The following HSPG2 variants were observed in gnomAD, a reference collection of about 807,000 sequenced individuals.
HSPG2 encodes basement membrane-specific heparan sulfate proteoglycan core protein.
HSPG2 carries 278 observed loss-of-function variants against 526.6 expected under a neutral mutation model. That is an observed-to-expected ratio of 0.53 (90% confidence interval 0.48 to 0.58). The LOEUF (loss-of-function observed/expected upper bound fraction) is 0.58. Ranked by LOEUF, HSPG2 falls within the 20% of genes least tolerant of loss-of-function variation. The pLI, the probability that HSPG2 is intolerant of heterozygous loss-of-function variation, is 0.00. For synonymous variants in HSPG2, 2,465 were observed against 2,555.4 expected, an observed-to-expected ratio of 0.96 and a Z score of 1.07; for missense variants, 5,354 against 6,099.5, an observed-to-expected ratio of 0.88 and a Z score of 4.07.
chr1:21,876,230 T>G lies in HSPG2; in HGVS notation c.3002A>C (p.Lys1001Thr). Residue 1001 changes from lysine (K) to threonine (T), a missense_variant and splice_region_variant, in exon 23 of 97, where the codon AAG becomes ACG. Coordinates refer to ENST00000374695, the MANE Select transcript of HSPG2 (RefSeq NM_005529.7). ...WSLPSRFLGD[K>T]VTSYGGELRF... ...TTTGCCTTTCCACCCACTACCCACC[T>G]TGTCCCCCAGGAAGCGTGAAGGGAG... The G allele has an allele frequency of 6.2e-7, 1 of 1,605,374 alleles. No homozygotes were observed. Among genetic ancestry groups the G allele is most frequent in the Non-Finnish European group, 8.5e-7 (1 of 1,175,800 alleles).
chr1:21,916,065 GAAGAAGAAAA>G (rs1643880267), intron 1 of HSPG2, among the ~76,000 whole-genome samples: 1 of 81,632 alleles, frequency 1.2e-5, no homozygotes, highest in Non-Finnish European at 2.4e-5. Context: ...AAGAAAAGAA[GAAGAAGAAAA>G]AAAAAAAAAG....
At position 21,824,832 on chromosome 1, in the gene HSPG2, C is replaced by T; in HGVS notation, c.12590-53G>A. 1 of 1,511,462 alleles carries T rather than the reference C, an allele frequency of 6.6e-7. No homozygotes were observed. The highest frequency in any genetic ancestry group is 9.1e-7 in the Non-Finnish European group (1 of 1,103,170). 93.6% of individuals were successfully genotyped at this position (1,511,462 alleles called of 1,614,324 possible). A position where few individuals can be genotyped will look rare whatever the true frequency, so the allele number is the denominator to read the frequency against. ...ACCTGCTGCATCAGGCATCAAAATCCCCCGTCAGTTCCCCTGACCCCCACC... is the reference window on the plus strand; with the variant it reads ...ACCTGCTGCATCAGGCATCAAAATCTCCCGTCAGTTCCCCTGACCCCCACC... On this transcript the variant is annotated intron_variant, in intron 91 of 96. Transcript: ENST00000374695. This position sits in a 1 kb window ranked among gnomAD's most constrained non-coding sequence, Gnocchi z 5.9.
At chr1:21,855,212 G>C (rs1056645466) in intron 47 of HSPG2, 92 bp downstream of exon 47, 298 of 1,485,546 alleles carry the variant, frequency 2.0e-4, no homozygotes, top group Non-Finnish European at 2.4e-4. Context: ...CAGAGGAGGA[G>C]GTGGGGTGGG....
Position 21,875,538 on chromosome 1 carries a change from C to CA in HSPG2, c.3302+90dup, listed in dbSNP as rs1640988968. ...GGGAAAGTGAGGCACAAAAGGGTCACACAGTCTGTAAGTGGCTGTGCTGTA... is the reference window on the plus strand; with the variant it reads ...GGGAAAGTGAGGCACAAAAGGGTCACAACAGTCTGTAAGTGGCTGTGCTGTA... On this transcript the variant is annotated intron_variant, in intron 25 of 96. Coordinates refer to ENST00000374695, the MANE Select transcript of HSPG2 (RefSeq NM_005529.7). 3.9e-5 allele frequency: 37 copies of CA among 958,184 alleles called. No homozygotes were observed. The South Asian group carries it at 4.7e-4, about 12-fold the overall frequency. The allele number at this position is 958,184 out of a possible 1,614,324, so 59.4% of individuals were successfully genotyped here. A position where few individuals can be genotyped will look rare whatever the true frequency, so the allele number is the denominator to read the frequency against.
Position 21,872,484 on chromosome 1 carries a change from A to C in HSPG2, c.4030-107T>G. The C allele has an allele frequency of 7.1e-7, 1 of 1,413,264 alleles. No individual in the cohort carries two copies. Among genetic ancestry groups the C allele is most frequent in the Non-Finnish European group, 9.8e-7 (1 of 1,023,812 alleles). The allele number at this position is 1,413,264 out of a possible 1,614,324, so 87.5% of individuals were successfully genotyped here. On this transcript the variant is annotated intron_variant, in intron 32 of 96. Coordinates refer to ENST00000374695, the MANE Select transcript of HSPG2 (RefSeq NM_005529.7). The surrounding 1 kb of genome is among the most constrained non-coding windows in gnomAD (Gnocchi z 5.5). ...TGCGGAATGGGGTCCTGTTGAGATC[A>C]GGACTGCGAGAGAAATAATGGGGGC...
At position 21,822,488 on chromosome 1, in the gene HSPG2, ATCCGTCCG is replaced by A. The variant is rs750951967; in HGVS notation, c.*820_*827del. ...CTAGCTCTTCCTGAGCACCAGCGGC[ATCCGTCCG>A]TCCGTTGTCTGTTGGAGGAGTCCCT... On this transcript the variant is annotated 3_prime_UTR_variant, in exon 97 of 97. Transcript: ENST00000374695. The A allele has an allele frequency of 6.6e-6, 3 of 457,946 alleles. No homozygotes were observed. Among genetic ancestry groups the A allele is most frequent in the East Asian group, 4.0e-5 (1 of 25,138 alleles). The allele number at this position is 457,946 out of a possible 1,614,324, so 28.4% of individuals were successfully genotyped here. A position where few individuals can be genotyped will look rare whatever the true frequency, so the allele number is the denominator to read the frequency against.
At chr1:21,919,373 C>T (rs1156822600) in intron 1 of HSPG2, among the ~76,000 whole-genome samples, 21 of 150,994 alleles carry the variant, frequency 1.4e-4, no homozygotes. Flanking sequence ...TTGCAGTGAG[C>T]CAAGATTGTG....
chr1:21,824,835 C>A lies in HSPG2; in HGVS notation c.12590-56G>T. ...TGCTGCATCAGGCATCAAAATCCCCCGTCAGTTCCCCTGACCCCCACCTCC... is the reference window on the plus strand; with the variant it reads ...TGCTGCATCAGGCATCAAAATCCCCAGTCAGTTCCCCTGACCCCCACCTCC... On this transcript the variant is annotated intron_variant, in intron 91 of 96. Transcript: ENST00000374695. The surrounding 1 kb of genome is among the most constrained non-coding windows in gnomAD (Gnocchi z 5.9). The A allele has an allele frequency of 6.7e-7, 1 of 1,496,586 alleles. No individual in the cohort carries two copies. The highest frequency in any genetic ancestry group is 1.2e-5 in the South Asian group (1 of 84,046). 92.7% of individuals were successfully genotyped at this position (1,496,586 alleles called of 1,614,324 possible).
At chr1:21,854,075 G>T in intron 50 of HSPG2, 118 bp downstream of exon 50, 1 of 1,180,252 alleles carries the variant, frequency 8.5e-7, no homozygotes, top group Non-Finnish European at 1.2e-6. Context: ...AGCAGGCGCT[G>T]AAGGGTCAAA....
intron 28 of HSPG2, 75 bp downstream of exon 28, chr1:21,874,331 C>T: frequency 1.3e-6 from 2 of 1,586,054 alleles, no homozygotes; most frequent in Non-Finnish European, 1.7e-6. Flanking sequence ...TCAGAAGGGC[C>T]CTGGATGAAG....
In HSPG2 at chr1:21,893,951, G is replaced by A. The variant is rs1642560254; in HGVS notation, c.244+1971C>T. Among the ~76,000 whole-genome samples, 1 of 152,004 alleles carries A rather than the reference G, an allele frequency of 6.6e-6. No homozygotes were observed. ...AGAAGCAGAGATGGTGAGCCAGAGA[G>A]AGGGAGAAGAACAGGATGAGGCAGA... is the stretch of plus-strand genomic sequence containing the variant. On this transcript the variant is annotated intron_variant, in intron 3 of 96. Transcript: ENST00000374695. This position sits in a 1 kb window ranked among gnomAD's most constrained non-coding sequence, Gnocchi z 4.3.
intron 42 of HSPG2, among the ~76,000 whole-genome samples, chr1:21,857,713 C>A (rs1639452920): frequency 6.6e-6 from 1 of 152,168 alleles, no homozygotes; most frequent in Non-Finnish European, 1.5e-5. Context: ...GAGTTTCTAT[C>A]CCCCAAAAAC....
chr1:21,856,356 C>T (rs1639338632), intron 44 of HSPG2, among the ~76,000 whole-genome samples: 1 of 152,208 alleles, frequency 6.6e-6, no homozygotes, highest in African/African-American at 2.4e-5. Context: ...GGTGTCACCT[C>T]CTCAGAGAGG....
intron 80 of HSPG2, 30 bp downstream of exon 80, chr1:21,833,238 C>G (rs908010976): frequency 6.3e-7 from 1 of 1,584,902 alleles, no homozygotes; most frequent in African/African-American, 1.3e-5. Flanking sequence ...CCCAGGCCAG[C>G]CCACCCCGCA....
Position 21,848,571 on chromosome 1 carries a change from T to G in HSPG2, c.7737+72A>C. The G allele has an allele frequency of 1.8e-5, 28 of 1,527,472 alleles. No homozygotes were observed. Among genetic ancestry groups the G allele is most frequent in the Middle Eastern group, 2.3e-4 (1 of 4,378 alleles). 94.6% of individuals were successfully genotyped at this position (1,527,472 alleles called of 1,614,324 possible). On this transcript the variant is annotated intron_variant, in intron 59 of 96. Transcript: ENST00000374695. This position sits in a 1 kb window ranked among gnomAD's most constrained non-coding sequence, Gnocchi z 4.9. ...ACTGAATGAGCACAGAGTGAGGTGCTGAGAGTCCCCCCTCTTCCCATTGGG... is the reference window on the plus strand; with the variant it reads ...ACTGAATGAGCACAGAGTGAGGTGCGGAGAGTCCCCCCTCTTCCCATTGGG...
intron 1 of HSPG2, among the ~76,000 whole-genome samples, chr1:21,914,819 G>C (rs553766588): frequency 6.6e-6 from 1 of 152,116 alleles, no homozygotes; most frequent in Non-Finnish European, 1.5e-5. Context: ...GCTCCTCCCC[G>C]GGCAGGTGTG....
chr1:21,867,053 A>T (rs905953528), intron 33 of HSPG2, among the ~76,000 whole-genome samples: 8 of 116,656 alleles, frequency 6.9e-5, no homozygotes, highest in South Asian at 3.0e-4. Context: ...ATTTTTAAAA[A>T]TTTTTTATTT....
chr1:21,912,785 G>A (rs1252772869), intron 1 of HSPG2, among the ~76,000 whole-genome samples: 2 of 152,108 alleles, frequency 1.3e-5, no homozygotes, highest in African/African-American at 4.8e-5. Context: ...TTTGATACCA[G>A]CCTGGCCAAC....
At chr1:21,836,511 C>T (rs2098026808) in intron 75 of HSPG2, among the ~76,000 whole-genome samples, 1 of 152,158 alleles carries the variant, frequency 6.6e-6, no homozygotes, top group Non-Finnish European at 1.5e-5. Flanking sequence ...TTAGTAGAGG[C>T]AGGGTTTCAC....
Sources: gnomAD v4.1 joint callset for allele counts (sites outside exome capture counted in the v4.1 genomes callset) on GRCh38, gnomAD v4.1.1 for gene constraint, Gnocchi (gnomAD v3.1) non-coding constraint, MANE v1.5 for transcripts, NCBI Gene and HGNC (gene_info 2026-07-23, HGNC 2026-07-21) for gene names.